Variants in SCAPER observed in about 807,000 individuals in gnomAD.
The protein encoded by SCAPER is S-phase cyclin A associated protein in the ER.
A neutral mutation model predicts 182.2 loss-of-function variants in SCAPER; 98 were observed. That is an observed-to-expected ratio of 0.54 (90% CI 0.46 to 0.64). The LOEUF (loss-of-function observed/expected upper bound fraction) is 0.64. Ranked by LOEUF, SCAPER falls within the 30% of genes least tolerant of loss-of-function variation. SCAPER has a pLI of 0.00. For missense variants in SCAPER, 1,432 were observed against 1,690.0 expected, an observed-to-expected ratio of 0.85 and a Z score of 2.68; for synonymous variants, 605 against 564.6, an observed-to-expected ratio of 1.07 and a Z score of -1.01.
intron 27 of SCAPER, among the ~76,000 whole-genome samples, chr15:76,392,927 T>C (rs1051709644): frequency 1.3e-5 from 2 of 152,208 alleles, no homozygotes; most frequent in Admixed American, 6.5e-5. Flanking sequence ...CATCATCCCT[T>C]GTCCCCTGTG....
Position 76,757,174 on chromosome 15 carries a change from T to C in SCAPER, c.1726-3226A>G, listed in dbSNP as rs1032393816. On this transcript the variant is annotated intron_variant, in intron 14 of 31. Transcript: ENST00000563290. ...CCAATGTTTCCTATGTTTTCAGGTA[T>C]TTTGTTTTTTGTTAACTACAGTCAT... Among the ~76,000 whole-genome samples, 18 of 152,328 alleles carry C rather than the reference T, an allele frequency of 1.2e-4. 1 individual carries two copies. In the East Asian group the frequency reaches 3.3e-3, roughly 28 times the overall value.
At chr15:76,762,506 A>G (rs900338385) in intron 14 of SCAPER, among the ~76,000 whole-genome samples, 1 of 152,088 alleles carries the variant, frequency 6.6e-6, no homozygotes, top group Non-Finnish European at 1.5e-5. Context: ...TTTAAATTCA[A>G]TGGCCTACAA....
At chr15:76,499,715 G>A (rs1297217307) in intron 24 of SCAPER, among the ~76,000 whole-genome samples, 1 of 152,100 alleles carries the variant, frequency 6.6e-6, no homozygotes, top group Admixed American at 6.5e-5. Flanking sequence ...TAAGTGATAA[G>A]ATGAAGACAC....
intron 26 of SCAPER, among the ~76,000 whole-genome samples, chr15:76,409,356 T>C (rs2045107380): frequency 6.6e-6 from 1 of 152,202 alleles, no homozygotes; most frequent in African/African-American, 2.4e-5. Context: ...ACACACATCC[T>C]GGGAAAGAAA....
intron 23 of SCAPER, among the ~76,000 whole-genome samples, chr15:76,573,913 T>C (rs920268952): frequency 6.6e-6 from 1 of 151,904 alleles, no homozygotes; most frequent in Admixed American, 6.6e-5. Context: ...TTTATTTGTG[T>C]GAGGAAAACA....
chr15:76,797,944 A>AT (rs1311762315), intron 7 of SCAPER, among the ~76,000 whole-genome samples: 7 of 151,720 alleles, frequency 4.6e-5, no homozygotes, highest in Admixed American at 4.6e-4. Context: ...AAAAAAAAAA[A>AT]ATCAGATGAT....
intron 25 of SCAPER, among the ~76,000 whole-genome samples, chr15:76,448,043 T>C (rs536980971): frequency 2.6e-5 from 4 of 152,188 alleles, no homozygotes; most frequent in East Asian, 1.9e-4. Flanking sequence ...GAAGAGAGTA[T>C]GTGTGTTCAG....
intron 24 of SCAPER, among the ~76,000 whole-genome samples, chr15:76,483,893 T>C (rs1236908653): frequency 1.3e-5 from 2 of 152,114 alleles, no homozygotes; most frequent in Non-Finnish European, 2.9e-5. Flanking sequence ...TCATTACTGG[T>C]GGGAATGAAA....
At chr15:76,659,045 GCAA>G (rs915279919) in intron 21 of SCAPER, among the ~76,000 whole-genome samples, 2 of 151,964 alleles carry the variant, frequency 1.3e-5, no homozygotes, top group Non-Finnish European at 2.9e-5. Context: ...AAAAACAATT[GCAA>G]CAACAACAAC....
Position 76,495,577 on chromosome 15 carries a change from CAAA to C in SCAPER, c.2954+9279_2954+9281del, listed in dbSNP as rs71444987. Among the ~76,000 whole-genome samples the C allele has an allele frequency of 9.0e-3, 510 of 56,940 alleles. 3 individuals carry two copies. The highest frequency in any genetic ancestry group is 0.035 in the African/African-American group (485 of 13,998). 37.4% of individuals were successfully genotyped at this position (56,940 alleles called of 152,430 possible). On this transcript the variant is annotated intron_variant, in intron 24 of 31. Transcript: ENST00000563290. The stretch of plus-strand genomic sequence containing the variant: ...TGGGCAACAGAGCAAGACTTGGTCT[CAAA>C]AAAAAAAAAAAAAAAAAAAAAGAGA...
intron 20 of SCAPER, among the ~76,000 whole-genome samples, chr15:76,690,068 C>A (rs962255479): frequency 6.6e-6 from 1 of 152,006 alleles, no homozygotes; most frequent in East Asian, 1.9e-4. Flanking sequence ...GTATCCCAAC[C>A]CCTTGAAACC....
chr15:76,851,376 G>A (rs1161596871), intron 4 of SCAPER, among the ~76,000 whole-genome samples: 1 of 152,092 alleles, frequency 6.6e-6, no homozygotes, highest in African/African-American at 2.4e-5. Context: ...CAACCCCCAA[G>A]ACATGTAATC....
intron 23 of SCAPER, among the ~76,000 whole-genome samples, chr15:76,551,851 A>G (rs1392363263): frequency 6.6e-6 from 1 of 152,090 alleles, no homozygotes; most frequent in Non-Finnish European, 1.5e-5. Context: ...TATATATAAA[A>G]TACAACTTCA....
rs910996423 is a variant in SCAPER, at chr15:76,472,271, T to A, written c.2955-936A>T. The stretch of plus-strand genomic sequence containing the variant: ...AGGTACCCAAAAAGAAAAAGGAAAA[T>A]GCTGACACTGGCAGGGAGGGGAATA... On this transcript the variant is annotated intron_variant, in intron 24 of 31. Transcript: ENST00000563290. The A allele has an allele frequency of 1.0e-4, 62 of 600,198 alleles. 1 individual carries two copies. The highest frequency in any genetic ancestry group is 2.8e-4 in the South Asian group (20 of 72,580). The allele number at this position is 600,198 out of a possible 1,614,324, so 37.2% of individuals were successfully genotyped here. A position where few individuals can be genotyped will look rare whatever the true frequency, so the allele number is the denominator to read the frequency against.
At chr15:76,798,933 G>T (rs1279816131) in intron 7 of SCAPER, among the ~76,000 whole-genome samples, 1 of 152,000 alleles carries the variant, frequency 6.6e-6, no homozygotes, top group Non-Finnish European at 1.5e-5. Flanking sequence ...ACTCGAATCT[G>T]TATGAAGAAA....
chr15:76,611,841 A>G (rs947851309), intron 22 of SCAPER, among the ~76,000 whole-genome samples: 2 of 152,130 alleles, frequency 1.3e-5, no homozygotes, highest in African/African-American at 2.4e-5. Flanking sequence ...AAAGACAAAA[A>G]CCACATGATT....
chr15:76,381,659 G>T, intron 27 of SCAPER, 44 bp from the exon 28 acceptor site: 1 of 1,437,868 alleles, frequency 7.0e-7, no homozygotes, highest in South Asian at 1.2e-5. Flanking sequence ...CTACTTAATG[G>T]ATGTTAGCAA....
At chr15:76,691,554 G>C (rs1017164131) in intron 20 of SCAPER, among the ~76,000 whole-genome samples, 7 of 152,084 alleles carry the variant, frequency 4.6e-5, no homozygotes, top group Non-Finnish European at 1.0e-4. Flanking sequence ...TACTGTATTA[G>C]GAATGGAAGC....
chr15:76,526,895 G>C (rs2043243195), intron 23 of SCAPER, among the ~76,000 whole-genome samples: 1 of 151,286 alleles, frequency 6.6e-6, no homozygotes, highest in African/African-American at 2.4e-5. Flanking sequence ...GGGGAACGTA[G>C]TTTTCTGCTC....
Sources: allele counts gnomAD v4.1 joint callset (sites outside exome capture counted in the v4.1 genomes callset), GRCh38; gene constraint gnomAD v4.1.1; transcripts MANE v1.5; gene names NCBI Gene and HGNC (gene_info 2026-07-23, HGNC 2026-07-21).